TACR3: variants seen among roughly 807,000 people sequenced by gnomAD.
TACR3 encodes tachykinin receptor 3.
Under a neutral mutation model 35.0 loss-of-function variants are expected in TACR3, and 34 were observed. The observed-to-expected ratio is 0.97, with a 90% CI of 0.74 to 1.30. TACR3 has a LOEUF of 1.30. Ranked by LOEUF, TACR3 falls within the 50% of genes most tolerant of loss-of-function variation. The pLI is 0.00. For synonymous variants in TACR3, 233 were observed against 221.1 expected (o/e 1.05, Z -0.48); for missense variants, 558 against 591.7 (o/e 0.94, Z 0.59).
At chr4:103,612,424 G>T (rs1014231181) in intron 3 of TACR3, among the ~76,000 whole-genome samples, 62 of 151,728 alleles carry the variant, frequency 4.1e-4, no homozygotes, top group Non-Finnish European at 3.4e-4. Context: ...ATTTCCTTCA[G>T]CTTTTCCAGT....
chr4:103,709,541 A>G (rs1722887502), intron 1 of TACR3, among the ~76,000 whole-genome samples: 1 of 152,240 alleles, frequency 6.6e-6, no homozygotes, highest in African/African-American at 2.4e-5. Context: ...GGTAGCAGCC[A>G]TTGCAAAAAC....
At chr4:103,711,753 T>G (rs888058661) in intron 1 of TACR3, among the ~76,000 whole-genome samples, 4 of 152,170 alleles carry the variant, frequency 2.6e-5, no homozygotes, top group South Asian at 4.1e-4. Flanking sequence ...CCCCATCGTC[T>G]CAGCCCAAAA....
intron 1 of TACR3, among the ~76,000 whole-genome samples, chr4:103,681,031 A>G (rs1014299152): frequency 1.3e-5 from 2 of 151,904 alleles, no homozygotes; most frequent in Admixed American, 6.6e-5. Flanking sequence ...TTCTCTTGCT[A>G]AGATAAACTA....
chr4:103,663,914 G>T (rs1725884864), intron 1 of TACR3, among the ~76,000 whole-genome samples: 1 of 152,082 alleles, frequency 6.6e-6, no homozygotes, highest in South Asian at 2.1e-4. Context: ...GTGCTTTATT[G>T]CTTTAAAAAA....
chr4:103,602,104 T>C (rs902525119), intron 3 of TACR3, among the ~76,000 whole-genome samples: 1 of 152,214 alleles, frequency 6.6e-6, no homozygotes, highest in African/African-American at 2.4e-5. Context: ...CTTTTTTCTC[T>C]AAACTTCTCT....
intron 3 of TACR3, among the ~76,000 whole-genome samples, chr4:103,629,998 A>G (rs1725022946): frequency 6.6e-6 from 1 of 152,182 alleles, no homozygotes; most frequent in African/African-American, 2.4e-5. Context: ...AGAGATATAG[A>G]CCAATGGTAC....
chr4:103,609,092 G>A (rs575582129), intron 3 of TACR3, among the ~76,000 whole-genome samples: 1 of 152,192 alleles, frequency 6.6e-6, no homozygotes, highest in African/African-American at 2.4e-5. Context: ...CTCTAGGGTG[G>A]CCAAAAATAT....
chr4:103,596,849 C>A (rs915255552), intron 3 of TACR3, among the ~76,000 whole-genome samples: 1 of 151,502 alleles, frequency 6.6e-6, no homozygotes, highest in Non-Finnish European at 1.5e-5. Context: ...TGAGAACATG[C>A]AGTTTGGTTT....
chr4:103,715,725 G>A (rs1723075551), intron 1 of TACR3, among the ~76,000 whole-genome samples: 1 of 151,998 alleles, frequency 6.6e-6, no homozygotes, highest in Admixed American at 6.6e-5. Context: ...TAATCTCAAA[G>A]CATGTGCTTA....
At chr4:103,640,280 A>G (rs957803683) in intron 3 of TACR3, among the ~76,000 whole-genome samples, 2 of 152,080 alleles carry the variant, frequency 1.3e-5, no homozygotes, top group African/African-American at 4.8e-5. Flanking sequence ...GTTACACACA[A>G]TATCATAAAT....
chr4:103,643,890 T>G (rs1194626785), intron 3 of TACR3, among the ~76,000 whole-genome samples: 1 of 151,762 alleles, frequency 6.6e-6, no homozygotes, highest in Non-Finnish European at 1.5e-5. Flanking sequence ...ATGAGTAGTA[T>G]TAACAGATAA....
rs1014810826 is a variant in TACR3, at chr4:103,587,124, A to T, written c.*2558T>A. On this transcript the variant is annotated 3_prime_UTR_variant, in exon 5 of 5. Coordinates refer to ENST00000304883, the MANE Select transcript of TACR3 (RefSeq NM_001059.3). ...TTGAAGGCAGATTCTTTCCAAGCTT[A>T]GCAAATATGAAAACACTGGGATGAC... The T allele has an allele frequency of 6.6e-6, 1 of 152,076 alleles. No homozygotes were observed. Among genetic ancestry groups the T allele is most frequent in the African/African-American group, 2.4e-5 (1 of 41,392 alleles). 9.4% of individuals were successfully genotyped at this position (152,076 alleles called of 1,614,324 possible).
rs368031582 is a variant in TACR3, at chr4:103,655,896, A to G, written c.888+298T>C. Among the ~76,000 whole-genome samples, 27 of 152,210 alleles carry G rather than the reference A, an allele frequency of 1.8e-4. 1 individual carries two copies. The South Asian group carries it at 5.6e-3, about 32-fold the overall frequency. On this transcript the variant is annotated intron_variant, in intron 3 of 4. Coordinates refer to ENST00000304883, the MANE Select transcript of TACR3 (RefSeq NM_001059.3). Reference sequence around the variant, plus strand: ...AAGAAAGATAGAGTTGCAAAAATACAATCAACTGGAATAGTGAAATTTTAG... The same window carrying G: ...AAGAAAGATAGAGTTGCAAAAATACGATCAACTGGAATAGTGAAATTTTAG...
chr4:103,621,685 T>C (rs1281921877), intron 3 of TACR3, among the ~76,000 whole-genome samples: 1 of 152,224 alleles, frequency 6.6e-6, no homozygotes, highest in Non-Finnish European at 1.5e-5. Flanking sequence ...TCTGGACCAC[T>C]GTACAGATAT....
Position 103,710,033 on chromosome 4 carries a change from C to A in TACR3, c.548+9095G>T, listed in dbSNP as rs58172989. On this transcript the variant is annotated intron_variant, in intron 1 of 4. Coordinates refer to ENST00000304883, the MANE Select transcript of TACR3 (RefSeq NM_001059.3). ...GCAAGTCCTTAGAGACCTACAGAGA[C>A]TTTGACTCCCACACAATAATAATGC... Among the ~76,000 whole-genome samples the A allele has an allele frequency of 1.2e-4, 18 of 152,200 alleles. No homozygotes were observed. In the East Asian group the frequency reaches 3.5e-3, roughly 29 times the overall value.
intron 3 of TACR3, among the ~76,000 whole-genome samples, chr4:103,611,008 C>T (rs987508687): frequency 9.2e-5 from 14 of 152,074 alleles, no homozygotes; most frequent in African/African-American, 3.1e-4. Context: ...TAGTATCATG[C>T]TGCTTTCACT....
intron 1 of TACR3, among the ~76,000 whole-genome samples, chr4:103,678,476 T>C (rs1726221361): frequency 6.6e-6 from 1 of 152,156 alleles, no homozygotes; most frequent in Non-Finnish European, 1.5e-5. Context: ...TTTTCCATAG[T>C]TGGCTTTTCT....
chr4:103,598,217 T>C (rs1459215641), intron 3 of TACR3, among the ~76,000 whole-genome samples: 1 of 152,218 alleles, frequency 6.6e-6, no homozygotes, highest in Non-Finnish European at 1.5e-5. Context: ...TGGTGAGCAT[T>C]TTTTCATGTG....
intron 1 of TACR3, among the ~76,000 whole-genome samples, chr4:103,710,083 C>A (rs537678358): frequency 6.6e-6 from 1 of 152,144 alleles, no homozygotes; most frequent in Non-Finnish European, 1.5e-5. Flanking sequence ...CCCCTGTCAA[C>A]ATTAGACAGA....
Sources: gnomAD v4.1 joint callset for allele counts (sites outside exome capture counted in the v4.1 genomes callset) on GRCh38, gnomAD v4.1.1 for gene constraint, MANE v1.5 for transcripts, NCBI Gene and HGNC (gene_info 2026-07-23, HGNC 2026-07-21) for gene names.